ZNF793: variants seen among roughly 807,000 people sequenced by gnomAD.
ZNF793 encodes zinc finger protein 793.
ZNF793 carries 5 observed loss-of-function variants against 12.4 expected under a neutral mutation model. The ratio of observed to expected loss-of-function variants is 0.40; its 90% CI spans 0.21 to 0.84. The LOEUF (loss-of-function observed/expected upper bound fraction) is 0.84, where lower values mean the gene tolerates loss of function less well. ZNF793 is among the 40% of genes least tolerant of loss of function. The pLI is 0.35. For synonymous variants in ZNF793, 162 were observed against 172.4 expected, an observed-to-expected ratio of 0.94 and a Z score of 0.47; for missense variants, 456 against 495.0, an observed-to-expected ratio of 0.92 and a Z score of 0.75.
chr19:37,514,750 T>C (rs1000017433), intron 2 of ZNF793, among the ~76,000 whole-genome samples: 2 of 152,116 alleles, frequency 1.3e-5, no homozygotes, highest in Non-Finnish European at 2.9e-5. Flanking sequence ...AACCTTCTTA[T>C]GAATGTACAT....
intron 5 of ZNF793, among the ~76,000 whole-genome samples, chr19:37,529,104 C>T (rs1370615962): frequency 6.6e-6 from 1 of 152,192 alleles, no homozygotes; most frequent in South Asian, 2.1e-4. Context: ...TTCCCTCCCA[C>T]AACCAGTTAA....
At chr19:37,517,767 TTTTCTA>T (rs1427747687) in intron 2 of ZNF793, among the ~76,000 whole-genome samples, 1 of 152,198 alleles carries the variant, frequency 6.6e-6, no homozygotes, top group Non-Finnish European at 1.5e-5. Context: ...TAGGTTTTTT[TTTTCTA>T]TTTCTATCAG....
chr19:37,512,687 A>C (rs2042303276), intron 2 of ZNF793, among the ~76,000 whole-genome samples: 1 of 152,148 alleles, frequency 6.6e-6, no homozygotes, highest in Admixed American at 6.5e-5. Context: ...TTTCCTAGGT[A>C]ATATACATTT....
intron 5 of ZNF793, among the ~76,000 whole-genome samples, chr19:37,531,871 A>G (rs1053147738): frequency 5.9e-5 from 9 of 152,170 alleles, no homozygotes; most frequent in Non-Finnish European, 1.3e-4. Flanking sequence ...CAAAGTATGG[A>G]TGGCAATGGT....
intron 5 of ZNF793, among the ~76,000 whole-genome samples, chr19:37,530,172 G>A (rs1022010336): frequency 5.3e-5 from 8 of 152,290 alleles, no homozygotes; most frequent in Middle Eastern, 3.4e-3. Context: ...TTGCCCGCAT[G>A]TCCCACCTCC....
rs900865399 is a variant in ZNF793, at chr19:37,541,778, CAA to C, written c.*3900_*3901del. ...TGACAAAAGATGCCATCAGCAAACT[CAA>C]GAGATAATAGATTGTGGGGAAATAT... On this transcript the variant is annotated 3_prime_UTR_variant, in exon 8 of 8. Transcript: ENST00000627814. 34 of 151,996 alleles carry C rather than the reference CAA, an allele frequency of 2.2e-4. No homozygotes were observed. Among genetic ancestry groups the C allele is most frequent in the African/African-American group, 8.2e-4 (34 of 41,374 alleles). 9.4% of individuals were successfully genotyped at this position (151,996 alleles called of 1,614,324 possible). A position where few individuals can be genotyped will look rare whatever the true frequency, so the allele number is the denominator to read the frequency against.
Position 37,533,447 on chromosome 19 carries a change from G to A in ZNF793, c.238+44G>A, listed in dbSNP as rs1319606966. The A allele has an allele frequency of 2.6e-6, 4 of 1,557,678 alleles. No homozygotes were observed. The Admixed American group carries it at 6.7e-5, about 26-fold the overall frequency. On this transcript the variant is annotated intron_variant, in intron 7 of 7. Transcript: ENST00000627814. ...GCAAAAGGGGTACTGAAGGAGGCTG[G>A]CACCTTTGGAATTTTGTTCAGCATT...
At chr19:37,528,305 A>G (rs2042432196) in intron 5 of ZNF793, among the ~76,000 whole-genome samples, 1 of 152,072 alleles carries the variant, frequency 6.6e-6, no homozygotes, top group Admixed American at 6.6e-5. Context: ...CAACCAGGAA[A>G]GTGCACCTAG....
intron 5 of ZNF793, among the ~76,000 whole-genome samples, chr19:37,529,798 TGTTCA>T (rs1319059643): frequency 2.0e-5 from 3 of 151,926 alleles, no homozygotes; most frequent in Non-Finnish European, 4.4e-5. Context: ...TGGCCTGGAG[TGTTCA>T]GTTTATGAAG....
intron 2 of ZNF793, among the ~76,000 whole-genome samples, chr19:37,513,039 C>A (rs1298302641): frequency 6.6e-6 from 1 of 152,046 alleles, no homozygotes; most frequent in Non-Finnish European, 1.5e-5. Context: ...TGTTGTACAT[C>A]TCGGACAGGA....
At chr19:37,526,679 T>C (rs1415540091) in intron 5 of ZNF793, among the ~76,000 whole-genome samples, 1 of 152,238 alleles carries the variant, frequency 6.6e-6, no homozygotes, top group Non-Finnish European at 1.5e-5. Flanking sequence ...GCCCTGCTTT[T>C]GGTCCTGCCT....
chr19:37,510,201 A>T (rs2042282443), intron 2 of ZNF793, among the ~76,000 whole-genome samples: 2 of 152,032 alleles, frequency 1.3e-5, no homozygotes, highest in Non-Finnish European at 2.9e-5. Flanking sequence ...TCATTACAAA[A>T]AATTTAAAAA....
chr19:37,532,605 GTTTGAAAC>G, intron 6 of ZNF793, 123 bp downstream of exon 6: 1 of 1,064,826 alleles, frequency 9.4e-7, no homozygotes, highest in Non-Finnish European at 1.3e-6. Context: ...GAGGTCAGGA[GTTTGAAAC>G]CTGCCTGGCC....
chr19:37,533,194 T>G, intron 6 of ZNF793, 114 bp from the exon 7 acceptor site: 1 of 786,924 alleles, frequency 1.3e-6, no homozygotes, highest in Admixed American at 2.4e-5. Context: ...GGACAAGGTG[T>G]GTGTTTAGTC....
intron 3 of ZNF793, among the ~76,000 whole-genome samples, chr19:37,521,640 A>G (rs781723982): frequency 6.6e-6 from 1 of 151,030 alleles, no homozygotes; most frequent in Non-Finnish European, 1.5e-5. Flanking sequence ...ATGGGGTTTC[A>G]CTATGTTGGT....
At chr19:37,517,591 T>C in intron 2 of ZNF793, among the ~76,000 whole-genome samples, 1 of 152,100 alleles carries the variant, frequency 6.6e-6, no homozygotes, top group East Asian at 1.9e-4. Flanking sequence ...GGTCTGTATC[T>C]CACTGCTGCT....
intron 5 of ZNF793, among the ~76,000 whole-genome samples, chr19:37,531,618 G>A (rs1029915166): frequency 1.3e-5 from 2 of 152,184 alleles, no homozygotes; most frequent in Non-Finnish European, 2.9e-5. Context: ...TCCTGCGGAG[G>A]AGAGTCAGCT....
At chr19:37,533,757 T>C (rs572097137) in intron 7 of ZNF793, 132 of 455,584 alleles carry the variant, frequency 2.9e-4, no homozygotes, top group Middle Eastern at 1.6e-3. Flanking sequence ...CCCTAATTTC[T>C]GCACTCAAAT....
In ZNF793 at chr19:37,536,973, G is replaced by A; in HGVS notation, c.315G>A (p.Lys105=). ...TGAGGCCAGGCGCAGCCATAAGCAA[G>A]AAAACATTGCCCAAGGAGAAAAGCT... ...MLLRPGAAIS[K]KTLPKEKSCE... is the part of the protein sequence containing the mutation. Residue 105 remains lysine, a synonymous_variant, in exon 8 of 8, where the codon AAG becomes AAA. Transcript: ENST00000627814. 1 of 1,613,984 alleles carries A rather than the reference G, an allele frequency of 6.2e-7. No individual in the cohort carries two copies. Among genetic ancestry groups the A allele is most frequent in the Non-Finnish European group, 8.5e-7 (1 of 1,179,858 alleles).
Sources: gnomAD v4.1 joint callset for allele counts (sites outside exome capture counted in the v4.1 genomes callset) on GRCh38, gnomAD v4.1.1 for gene constraint, MANE v1.5 for transcripts, NCBI Gene and HGNC (gene_info 2026-07-23, HGNC 2026-07-21) for gene names.